CCDC73: variants seen among roughly 807,000 people sequenced by gnomAD.
CCDC73 encodes the protein coiled-coil domain containing 73, also known as coiled-coil domain-containing protein 73.
CCDC73 carries 95 observed loss-of-function variants against 116.5 expected under a neutral mutation model. The ratio of observed to expected loss-of-function variants is 0.82; its 90% CI spans 0.69 to 0.97. The LOEUF (loss-of-function observed/expected upper bound fraction) is 0.97, where lower values mean the gene tolerates loss of function less well. Ranked by LOEUF, CCDC73 falls within the 50% of genes least tolerant of loss-of-function variation. CCDC73 has a pLI of 0.00. For synonymous variants in CCDC73, 398 were observed against 401.3 expected (o/e 0.99, Z 0.10); for missense variants, 1,066 against 1,206.8 (o/e 0.88, Z 1.73).
At chr11:32,676,205 A>G (rs1489664711) in intron 7 of CCDC73, among the ~76,000 whole-genome samples, 184 bp from the exon 8 acceptor site, 1 of 152,220 alleles carries the variant, frequency 6.6e-6, no homozygotes, top group Non-Finnish European at 1.5e-5. Flanking sequence ...ATATTTCTAA[A>G]TCTATGTAAA....
At chr11:32,760,923 A>G (rs1322081270) in intron 1 of CCDC73, among the ~76,000 whole-genome samples, 2 of 152,210 alleles carry the variant, frequency 1.3e-5, no homozygotes, top group African/African-American at 2.4e-5. Context: ...TGACTTTGGT[A>G]CAATCCACGG....
chr11:32,666,931 C>A (rs1354438216), intron 9 of CCDC73, among the ~76,000 whole-genome samples: 1 of 152,182 alleles, frequency 6.6e-6, no homozygotes, highest in East Asian at 1.9e-4. Flanking sequence ...CCACTCCAGA[C>A]CCTGTTTGCC....
the CCDC73 span, among the ~76,000 whole-genome samples, chr11:32,824,695 T>C: frequency 6.6e-6 from 1 of 152,176 alleles, no homozygotes; most frequent in Non-Finnish European, 1.5e-5. Flanking sequence ...GATTGAAGTG[T>C]CCAGGCTGGG....
At chr11:32,730,173 G>T (rs527847329) in intron 2 of CCDC73, among the ~76,000 whole-genome samples, 1 of 152,322 alleles carries the variant, frequency 6.6e-6, no homozygotes, top group East Asian at 1.9e-4. Flanking sequence ...ACAGAAGAAT[G>T]TTGTGGTAGA....
intron 2 of CCDC73, among the ~76,000 whole-genome samples, chr11:32,724,884 A>C (rs1565085457): frequency 6.6e-6 from 1 of 152,210 alleles, no homozygotes; most frequent in Non-Finnish European, 1.5e-5. Flanking sequence ...AAGGACATGT[A>C]TCAAAAACGA....
At chr11:32,735,974 T>C (rs1850125952) in intron 2 of CCDC73, among the ~76,000 whole-genome samples, 1 of 152,154 alleles carries the variant, frequency 6.6e-6, no homozygotes, top group Non-Finnish European at 1.5e-5. Context: ...AAACTGAAAC[T>C]GGATCCCTTC....
intron 2 of CCDC73, among the ~76,000 whole-genome samples, chr11:32,757,974 A>T (rs1850357939): frequency 6.6e-6 from 1 of 152,274 alleles, no homozygotes; most frequent in East Asian, 1.9e-4. Context: ...TGTCTACCAC[A>T]ATGGGTATAT....
Position 32,692,096 on chromosome 11 carries a change from T to C in CCDC73, c.390+7155A>G, listed in dbSNP as rs545179400. 5.3e-5 allele frequency among the ~76,000 whole-genome samples: 8 copies of C among 150,474 alleles called. No individual in the cohort carries two copies. In the East Asian group the frequency reaches 1.6e-3, roughly 30 times the overall value. On this transcript the variant is annotated intron_variant, in intron 6 of 17. Transcript: ENST00000335185. ...AGCCATCAGCAAACCCATGGTCATC[T>C]AGATTTTCTCCTACGTTTTCTTCTA... is the stretch of plus-strand genomic sequence containing the variant.
chr11:32,758,658 G>T, intron 2 of CCDC73: 1 of 267,524 alleles, frequency 3.7e-6, no homozygotes. Flanking sequence ...AAAAAAAAAC[G>T]CTATTCCTTT....
At chr11:32,764,046 G>A (rs1850418083) in intron 1 of CCDC73, among the ~76,000 whole-genome samples, 1 of 152,196 alleles carries the variant, frequency 6.6e-6, no homozygotes, top group Non-Finnish European at 1.5e-5. Flanking sequence ...AACAAAGCGA[G>A]AAGAGAAGTT....
intron 1 of CCDC73, among the ~76,000 whole-genome samples, chr11:32,773,407 CT>C (rs1357657360): frequency 6.6e-6 from 1 of 152,080 alleles, no homozygotes; most frequent in Non-Finnish European, 1.5e-5. Context: ...GAATTGCACA[CT>C]TTGAATGAGT....
chr11:32,824,808 G>A, the CCDC73 span, among the ~76,000 whole-genome samples: 1 of 152,210 alleles, frequency 6.6e-6, no homozygotes, highest in Non-Finnish European at 1.5e-5. Flanking sequence ...GTTAAGCCTG[G>A]TGCCGTGGCT....
At chr11:32,691,785 A>C (rs1311032039) in intron 6 of CCDC73, among the ~76,000 whole-genome samples, 1 of 152,136 alleles carries the variant, frequency 6.6e-6, no homozygotes, top group Admixed American at 6.5e-5. Flanking sequence ...ACAGTGGCTC[A>C]CGCCTGTAAT....
In CCDC73 at chr11:32,666,305, C is replaced by A. The variant is rs531965796; in HGVS notation, c.645+9260G>T. On this transcript the variant is annotated intron_variant, in intron 9 of 17. Coordinates refer to ENST00000335185, the MANE Select transcript of CCDC73 (RefSeq NM_001008391.4). ...GTCACTTTCAGGTACACCAACCAGG[C>A]ATAGATTTGGTCTTTTCACATAGTC... 4.6e-5 allele frequency among the ~76,000 whole-genome samples: 7 copies of A among 152,300 alleles called. No individual in the cohort carries two copies. In the South Asian group the frequency reaches 1.5e-3, roughly 32 times the overall value.
the CCDC73 span, among the ~76,000 whole-genome samples, chr11:32,820,161 CT>C: frequency 8.6e-5 from 13 of 151,544 alleles, no homozygotes; most frequent in East Asian, 2.1e-3. Context: ...TGAACTGGAA[CT>C]TTTTTTTTGA....
chr11:32,630,665 T>G (rs1054166395), intron 14 of CCDC73, among the ~76,000 whole-genome samples: 1 of 152,210 alleles, frequency 6.6e-6, no homozygotes, highest in Non-Finnish European at 1.5e-5. Context: ...ATAATTTTAC[T>G]GGTACATAAC....
the CCDC73 span, among the ~76,000 whole-genome samples, chr11:32,818,929 T>A: frequency 6.6e-6 from 1 of 152,192 alleles, no homozygotes; most frequent in Non-Finnish European, 1.5e-5. Flanking sequence ...GGGGAGTGAC[T>A]GTTTAGTGAG....
At chr11:32,771,737 T>A in intron 1 of CCDC73, among the ~76,000 whole-genome samples, 1 of 152,162 alleles carries the variant, frequency 6.6e-6, no homozygotes, top group East Asian at 1.9e-4. Context: ...GTGTGAGAAA[T>A]GTAAAAGAGG....
chr11:32,677,906 C>T (rs764934500), intron 7 of CCDC73, among the ~76,000 whole-genome samples: 1 of 129,860 alleles, frequency 7.7e-6, no homozygotes, highest in African/African-American at 2.9e-5. Flanking sequence ...GAACCAAGAT[C>T]GTGACACTGC....
Sources: allele counts gnomAD v4.1 joint callset (sites outside exome capture counted in the v4.1 genomes callset), GRCh38; gene constraint gnomAD v4.1.1; transcripts MANE v1.5; gene names NCBI Gene and HGNC (gene_info 2026-07-23, HGNC 2026-07-21).